The following RBMS3 variants were observed in gnomAD, a reference collection of about 807,000 sequenced individuals.
The protein encoded by RBMS3 is RNA-binding motif, single-stranded-interacting protein 3.
RBMS3 carries 27 observed loss-of-function variants against 66.8 expected under a neutral mutation model. That is an observed-to-expected ratio of 0.40 (90% confidence interval 0.30 to 0.56). The LOEUF is 0.56. Ranked by LOEUF, RBMS3 falls within the 20% of genes least tolerant of loss-of-function variation. The pLI is 0.40. For missense variants in RBMS3, 513 were observed against 549.5 expected, an observed-to-expected ratio of 0.93 and a Z score of 0.66; for synonymous variants, 188 against 183.0, an observed-to-expected ratio of 1.03 and a Z score of -0.22.
intron 3 of RBMS3, among the ~76,000 whole-genome samples, chr3:29,512,394 T>G (rs558301940): frequency 6.6e-6 from 1 of 151,474 alleles, no homozygotes; most frequent in Admixed American, 6.5e-5. Context: ...TAGAATTAAA[T>G]TATTATCTAG....
At chr3:29,308,776 T>A (rs1014736454) in intron 1 of RBMS3, among the ~76,000 whole-genome samples, 16 of 113,172 alleles carry the variant, frequency 1.4e-4, no homozygotes, top group Middle Eastern at 4.5e-3. Context: ...AACGGGAAAG[T>A]AAAACTGGGA....
intron 2 of RBMS3, among the ~76,000 whole-genome samples, chr3:29,485,292 G>A (rs1480680463): frequency 2.0e-5 from 3 of 152,026 alleles, no homozygotes; most frequent in Non-Finnish European, 4.4e-5. Context: ...AAAGTTGATA[G>A]ACAATATATA....
chr3:29,604,669 A>G (rs2048261854), intron 4 of RBMS3, among the ~76,000 whole-genome samples: 1 of 152,024 alleles, frequency 6.6e-6, no homozygotes, highest in South Asian at 2.1e-4. Flanking sequence ...ATCACTAAAA[A>G]TTCCTTCAAT....
intron 9 of RBMS3, 84 bp from the exon 10 acceptor site, chr3:29,899,621 A>T: frequency 8.3e-7 from 1 of 1,201,820 alleles, no homozygotes; most frequent in Non-Finnish European, 1.2e-6. Context: ...CCACTTTCTT[A>T]TGACCTAGTG....
chr3:29,638,203 A>G (rs2149190152), intron 4 of RBMS3, among the ~76,000 whole-genome samples: 1 of 151,380 alleles, frequency 6.6e-6, no homozygotes, highest in Admixed American at 6.6e-5. Flanking sequence ...ATATCAGAGA[A>G]GGATATGCTA....
chr3:29,463,571 G>C (rs1382490356), intron 2 of RBMS3, among the ~76,000 whole-genome samples: 1 of 147,084 alleles, frequency 6.8e-6, no homozygotes, highest in Non-Finnish European at 1.5e-5. Flanking sequence ...AGGGCCACTT[G>C]TCAAGATATC....
chr3:29,408,141 G>A (rs1431864860), intron 1 of RBMS3, among the ~76,000 whole-genome samples: 5 of 150,786 alleles, frequency 3.3e-5, no homozygotes, highest in East Asian at 2.0e-4. Context: ...GTGTGGTGGC[G>A]GGTGCCTGTA....
intron 4 of RBMS3, among the ~76,000 whole-genome samples, chr3:29,620,290 C>A (rs1047718585): frequency 3.9e-5 from 6 of 152,054 alleles, no homozygotes; most frequent in Admixed American, 2.0e-4. Flanking sequence ...TAGGATGTTA[C>A]AACAAATTTT....
chr3:29,457,897 A>G (rs28708834), intron 2 of RBMS3, among the ~76,000 whole-genome samples: 17,326 of 147,534 alleles, frequency 0.12, 1,044 homozygotes, highest in Non-Finnish European at 0.12. Flanking sequence ...TCTTTTGCCT[A>G]CAGGCTTTTA....
chr3:29,685,343 G>A (rs973255840), intron 4 of RBMS3, among the ~76,000 whole-genome samples: 1 of 152,166 alleles, frequency 6.6e-6, no homozygotes, highest in Non-Finnish European at 1.5e-5. Context: ...TTACAGGCGC[G>A]AGCTGCAGCG....
chr3:29,676,019 C>A (rs2051231323), intron 4 of RBMS3, among the ~76,000 whole-genome samples: 1 of 152,174 alleles, frequency 6.6e-6, no homozygotes. Flanking sequence ...AGACTTGGAA[C>A]CAACCAAGAT....
intron 4 of RBMS3, chr3:29,642,515 C>T (rs1002605927): frequency 6.6e-6 from 1 of 152,044 alleles, no homozygotes; most frequent in African/African-American, 2.4e-5. Flanking sequence ...AGCATTTCAT[C>T]TTTCTATCCC....
chr3:29,758,827 T>C (rs2055537059), intron 5 of RBMS3, among the ~76,000 whole-genome samples: 1 of 152,190 alleles, frequency 6.6e-6, no homozygotes, highest in South Asian at 2.1e-4. Flanking sequence ...ACCCTGTGCA[T>C]ACGTAAATCT....
chr3:29,725,800 T>C (rs1490023198), intron 4 of RBMS3, among the ~76,000 whole-genome samples: 1 of 152,158 alleles, frequency 6.6e-6, no homozygotes, highest in African/African-American at 2.4e-5. Context: ...GCTGGTGCCA[T>C]TGTTTCAGAA....
chr3:29,933,429 T>C (rs904742448), intron 10 of RBMS3, among the ~76,000 whole-genome samples: 1 of 152,038 alleles, frequency 6.6e-6, no homozygotes, highest in African/African-American at 2.4e-5. Context: ...CCTCTCTAAG[T>C]TGTCTGTCCC....
intron 12 of RBMS3, among the ~76,000 whole-genome samples, chr3:29,960,368 G>A (rs1253509226): frequency 6.6e-6 from 1 of 152,148 alleles, no homozygotes; most frequent in Non-Finnish European, 1.5e-5. Context: ...TTGCCCCTGT[G>A]GCTTTGCAGG....
chr3:29,669,322 C>T (rs1439102410), intron 4 of RBMS3, among the ~76,000 whole-genome samples: 2 of 152,188 alleles, frequency 1.3e-5, no homozygotes, highest in East Asian at 1.9e-4. Flanking sequence ...CTTCTAGGTA[C>T]TCCAACCTAA....
chr3:29,546,480 A>G (rs951255365), intron 3 of RBMS3, among the ~76,000 whole-genome samples: 1 of 152,202 alleles, frequency 6.6e-6, no homozygotes, highest in Non-Finnish European at 1.5e-5. Context: ...GGCCATATAC[A>G]GCAAAAAAGT....
At position 29,495,965 on chromosome 3, in the gene RBMS3, C is replaced by T. The variant is rs567694919; in HGVS notation, c.307+7466C>T. On this transcript the variant is annotated intron_variant, in intron 3 of 14. Coordinates refer to ENST00000383767, the MANE Select transcript of RBMS3 (RefSeq NM_001003793.3). ...TCAAGCAAGTAAAGGAAGAAACCAA[C>T]ACCATGGAAAGCCTCTTTTCTAGTA... Among the ~76,000 whole-genome samples the T allele has an allele frequency of 2.6e-5, 4 of 152,132 alleles. No individual in the cohort carries two copies. The East Asian group carries it at 7.7e-4, about 29-fold the overall frequency.
Sources: gnomAD v4.1 joint callset for allele counts (sites outside exome capture counted in the v4.1 genomes callset) on GRCh38, gnomAD v4.1.1 for gene constraint, MANE v1.5 for transcripts, NCBI Gene and HGNC (gene_info 2026-07-23, HGNC 2026-07-21) for gene names.